The following ATAD5 variants were observed in gnomAD, a reference collection of about 807,000 sequenced individuals.
ATAD5 encodes ATPase family AAA domain-containing protein 5.
A neutral mutation model predicts 176.9 loss-of-function variants in ATAD5; 58 were observed. That is an observed-to-expected ratio of 0.33 (90% CI 0.27 to 0.41). The LOEUF is 0.41. Ranked by LOEUF, ATAD5 falls within the 10% of genes least tolerant of loss-of-function variation. The pLI, the probability that ATAD5 is intolerant of heterozygous loss-of-function variation, is 1.00. For synonymous variants in ATAD5, 640 were observed against 712.6 expected, an observed-to-expected ratio of 0.90 and a Z score of 1.62; for missense variants, 1,789 against 2,094.1, an observed-to-expected ratio of 0.85 and a Z score of 2.84.
At position 30,877,461 on chromosome 17, in the gene ATAD5, C is replaced by A; in HGVS notation, c.3830C>A (p.Ser1277Tyr). The A allele has an allele frequency of 6.3e-7, 1 of 1,577,972 alleles. No individual in the cohort carries two copies. The highest frequency in any genetic ancestry group is 8.7e-7 in the Non-Finnish European group (1 of 1,150,024). Residue 1277 changes from serine (S) to tyrosine (Y), a missense_variant, in exon 16 of 23, where the codon TCT (serine) becomes TAT (tyrosine). Transcript: ENST00000321990. The stretch of plus-strand genomic sequence containing the variant: ...CAGAAACAAATTACTCAGACTAAAT[C>A]TACAAATGCAACTAATTCAAATGTC... ...FEQKQITQTK[S>Y]TNATNSNVKD...
rs1420471968 is a variant in ATAD5 at position 30,834,001 on chromosome 17, A to G, written c.67-147A>G. On this transcript the variant is annotated intron_variant, in intron 1 of 22. Transcript: ENST00000321990. ...CTGGCCTGGTTTAACTTTAAAGCCT[A>G]TTTTCTTTCTAATATATCACGTTTT... 7 of 688,978 alleles carry G rather than the reference A, an allele frequency of 1.0e-5. No homozygotes were observed. In the African/African-American group the frequency reaches 1.3e-4, roughly 13 times the overall value. The allele number at this position is 688,978 out of a possible 1,614,324, so 42.7% of individuals were successfully genotyped here.
chr17:30,880,017 T>G (rs1174436483), intron 18 of ATAD5, among the ~76,000 whole-genome samples: 1 of 150,138 alleles, frequency 6.7e-6, no homozygotes, highest in Non-Finnish European at 1.5e-5. Flanking sequence ...AATCAATCAA[T>G]AAGGCCAGGC....
Position 30,892,874 on chromosome 17 carries a change from T to A in ATAD5, c.4440+86T>A. ...AGCCTCCTATCTTTTGAATCTTAAG[T>A]TTAACTTAAATGTGCCTATAATTTG... On this transcript the variant is annotated intron_variant, in intron 20 of 22. Transcript: ENST00000321990. The A allele has an allele frequency of 2.5e-6, 3 of 1,202,750 alleles. No homozygotes were observed. The South Asian group carries it at 5.1e-5, about 20-fold the overall frequency. 74.5% of individuals were successfully genotyped at this position (1,202,750 alleles called of 1,614,324 possible). A position where few individuals can be genotyped will look rare whatever the true frequency, so the allele number is the denominator to read the frequency against.
At chr17:30,874,386 C>A (rs1265170349) in intron 14 of ATAD5, among the ~76,000 whole-genome samples, 2 of 148,568 alleles carry the variant, frequency 1.3e-5, no homozygotes, top group Non-Finnish European at 1.5e-5. Context: ...ACTAAAAATA[C>A]AAAAATTAGC....
chr17:30,885,649 G>GTTTTTTT (rs1567699161), intron 18 of ATAD5, among the ~76,000 whole-genome samples: 13 of 126,998 alleles, frequency 1.0e-4, no homozygotes, highest in Non-Finnish European at 1.3e-4. Context: ...TTTTTTTTTG[G>GTTTTTTT]TTGAGATGGA....
At chr17:30,841,061 G>A (rs76947600) in intron 4 of ATAD5, among the ~76,000 whole-genome samples, 11 of 99,550 alleles carry the variant, frequency 1.1e-4, no homozygotes, top group African/African-American at 2.7e-4. Context: ...CCAGGCGAGA[G>A]TGCAATGGCT....
chr17:30,886,760 T>A (rs985951994), intron 18 of ATAD5, among the ~76,000 whole-genome samples: 5 of 151,346 alleles, frequency 3.3e-5, no homozygotes, highest in Admixed American at 1.3e-4. Context: ...AAAAAAAAAA[T>A]TAATTAGCTT....
chr17:30,835,026 G>A lies in ATAD5; in HGVS notation c.945G>A (p.Gln315=). The change falls in exon 2 of 23, where the codon CAG becomes CAA. Residue 315 remains glutamine (Q), a synonymous_variant. Coordinates refer to ENST00000321990, the MANE Select transcript of ATAD5 (RefSeq NM_024857.5). The stretch of plus-strand genomic sequence containing the variant: ...AATCAGAAAACTCCGAAATTTCCCA[G>A]CAGGTACGCTTTAAGACAGTTACTG... ...ISESENSEIS[Q]QVRFKTVTVL... The A allele has an allele frequency of 6.2e-7, 1 of 1,613,950 alleles. No individual in the cohort carries two copies. Among genetic ancestry groups the A allele is most frequent in the Non-Finnish European group, 8.5e-7 (1 of 1,179,968 alleles).
In ATAD5 at chr17:30,834,956, C is replaced by T. The variant is rs1176144986; in HGVS notation, c.875C>T (p.Pro292Leu). ...IPDSTMSICVPSETVDEIVKS... is the reference protein window; with the variant it reads ...IPDSTMSICVLSETVDEIVKS... ...GACTCTACAATGTCAATTTGTGTTCCTTCTGAAACTGTCGACGAAATAGTC... is the reference window on the plus strand; with the variant it reads ...GACTCTACAATGTCAATTTGTGTTCTTTCTGAAACTGTCGACGAAATAGTC... Residue 292 changes from proline (P) to leucine (L), a missense_variant, in exon 2 of 23, where the codon CCT (proline) becomes CTT (leucine). By Grantham distance (98) the Pro-to-Leu change is moderately conservative. Transcript: ENST00000321990. The T allele has an allele frequency of 1.9e-6, 3 of 1,613,874 alleles. No individual in the cohort carries two copies. The highest frequency in any genetic ancestry group is 2.5e-6 in the Non-Finnish European group (3 of 1,179,978).
At chr17:30,881,848 A>T (rs1909034189) in intron 18 of ATAD5, among the ~76,000 whole-genome samples, 1 of 152,136 alleles carries the variant, frequency 6.6e-6, no homozygotes, top group Admixed American at 6.6e-5. Context: ...TGGGAGGCAG[A>T]GGTTGCAGTG....
At chr17:30,892,499 AT>A in intron 19 of ATAD5, 107 bp from the exon 20 acceptor site, 1 of 609,778 alleles carries the variant, frequency 1.6e-6, no homozygotes, top group East Asian at 3.2e-5. Context: ...AGAGAACTAA[AT>A]GGGGGTATTT....
At chr17:30,836,223 G>C (rs543513895) in intron 2 of ATAD5, among the ~76,000 whole-genome samples, 175 bp downstream of exon 2, 127 of 151,104 alleles carry the variant, frequency 8.4e-4, no homozygotes, top group African/African-American at 3.0e-3. Flanking sequence ...GTGTCGCCCA[G>C]GCTGGAGTGC....
chr17:30,844,670 C>T (rs530106001), intron 5 of ATAD5, among the ~76,000 whole-genome samples, 165 bp from the exon 6 acceptor site: 4 of 139,786 alleles, frequency 2.9e-5, no homozygotes, highest in East Asian at 2.1e-4. Context: ...ATCACTTGAG[C>T]CCTGGAGGTG....
chr17:30,851,116 T>C lies in ATAD5; in HGVS notation c.2451-4027T>C, dbSNP rs1439230984. On this transcript the variant is annotated intron_variant, in intron 6 of 22. Coordinates refer to ENST00000321990, the MANE Select transcript of ATAD5 (RefSeq NM_024857.5). Reference sequence around the variant, plus strand: ...GTTGGCCAGGCTGGTCTTGAACTCCTGACCTCAGGTAATCCACCTGCCTCG... The same window carrying C: ...GTTGGCCAGGCTGGTCTTGAACTCCCGACCTCAGGTAATCCACCTGCCTCG... Among the ~76,000 whole-genome samples, 14 of 145,222 alleles carry C rather than the reference T, an allele frequency of 9.6e-5. No homozygotes were observed. In the South Asian group the frequency reaches 2.2e-3, roughly 23 times the overall value.
chr17:30,887,116 A>T (rs1015205841), intron 18 of ATAD5, 76 bp from the exon 19 acceptor site: 16 of 1,296,846 alleles, frequency 1.2e-5, no homozygotes, highest in Middle Eastern at 1.9e-4. Context: ...TCTCACTTTT[A>T]GATACTATTT....
intron 7 of ATAD5, 119 bp downstream of exon 7, chr17:30,855,446 TG>T: frequency 8.9e-7 from 1 of 1,122,484 alleles, no homozygotes; most frequent in Non-Finnish European, 1.2e-6. Flanking sequence ...GTGACTTTAG[TG>T]GGAATTTTAA....
Position 30,893,710 on chromosome 17 carries a change from T to C in ATAD5, c.4857T>C (p.Asn1619=). The C allele has an allele frequency of 3.1e-6, 5 of 1,613,744 alleles. No homozygotes were observed. The highest frequency in any genetic ancestry group is 4.2e-6 in the Non-Finnish European group (5 of 1,179,868). The change falls in exon 21 of 23, where the codon AAT becomes AAC. Residue 1619 remains asparagine (N), a synonymous_variant. Coordinates refer to ENST00000321990, the MANE Select transcript of ATAD5 (RefSeq NM_024857.5). ...GCAAAGCCAGAGACAAAGGAAACAA[T>C]CCAGAGACAAAGAAATCTATTCCTT... The part of the protein sequence containing the change: ...EESKARDKGN[N]PETKKSIPCP...
At chr17:30,841,244 A>G (rs1053884267) in intron 4 of ATAD5, among the ~76,000 whole-genome samples, 1 of 152,094 alleles carries the variant, frequency 6.6e-6, no homozygotes, top group Non-Finnish European at 1.5e-5. Context: ...TCCTGACCTC[A>G]GGTGATCCAC....
intron 6 of ATAD5, among the ~76,000 whole-genome samples, chr17:30,853,153 G>A (rs1162134988): frequency 4.6e-5 from 7 of 151,924 alleles, no homozygotes; most frequent in Admixed American, 1.3e-4. Context: ...GCCTCCCAAA[G>A]TGCTGGGATT....
Sources: gnomAD v4.1 joint callset for allele counts (sites outside exome capture counted in the v4.1 genomes callset) on GRCh38, gnomAD v4.1.1 for gene constraint, MANE v1.5 for transcripts, NCBI Gene and HGNC (gene_info 2026-07-23, HGNC 2026-07-21) for gene names.